The following C5 variants were observed in gnomAD, a reference collection of about 807,000 sequenced individuals.
The protein encoded by C5 is complement C5.
C5 carries 140 observed loss-of-function variants against 218.8 expected under a neutral mutation model. The ratio of observed to expected loss-of-function variants is 0.64; its 90% CI spans 0.56 to 0.74. The LOEUF is 0.74. Among genes scored for constraint, C5 ranks in the 30% least tolerant of loss-of-function variants. The pLI is 0.00. For missense variants in C5, 1,700 were observed against 1,969.6 expected, an observed-to-expected ratio of 0.86 and a Z score of 2.59; for synonymous variants, 614 against 682.3, an observed-to-expected ratio of 0.90 and a Z score of 1.56.
chr9:121,059,365 T>A, the C5 span, among the ~76,000 whole-genome samples: 1 of 152,212 alleles, frequency 6.6e-6, no homozygotes, highest in Non-Finnish European at 1.5e-5. This position sits in a 1 kb window ranked among gnomAD's most constrained non-coding sequence, Gnocchi z 4.1. Flanking sequence ...TCACTCTCCC[T>A]TTATCTCTCA....
At chr9:121,062,540 A>G in the C5 span, among the ~76,000 whole-genome samples, 1 of 152,150 alleles carries the variant, frequency 6.6e-6, no homozygotes, top group African/African-American at 2.4e-5. Flanking sequence ...AACACTTCAC[A>G]AGGAATCTCC....
rs1191363495 is a variant in C5 at position 120,997,764 on chromosome 9, T to G, written c.2573A>C (p.Lys858Thr). The change falls in exon 21 of 41, where the codon AAA becomes ACA. Residue 858 changes from lysine to threonine, a missense_variant. Physicochemically the swap from Lys to Thr is moderately conservative, Grantham distance 78. Coordinates refer to ENST00000223642, the MANE Select transcript of C5 (RefSeq NM_001735.3). ...YRTSGMQFCV[K>T]MSAVEGICTS... ...GCAGATTCCCTCCACAGCAGACATT[T>G]TAACACAGAACTGAAATACAAGTGA... The G allele has an allele frequency of 6.2e-7, 1 of 1,613,668 alleles. No individual in the cohort carries two copies. The highest frequency in any genetic ancestry group is 2.2e-5 in the East Asian group (1 of 44,876).
intron 20 of C5, among the ~76,000 whole-genome samples, chr9:121,002,368 T>C (rs2047180348): frequency 7.0e-6 from 1 of 141,860 alleles, no homozygotes; most frequent in Admixed American, 7.5e-5. Flanking sequence ...AAGCCGATTT[T>C]ATATGTCTAA....
rs113977122 is a variant in C5 at position 120,988,678 on chromosome 9, T to C, written c.3230+368A>G. ...CTGGGTAAGATGGGAAGCTCCTAAA[T>C]GGTTTTGAGTGGCATGATCTAACAT... is the stretch of plus-strand genomic sequence containing the variant. On this transcript the variant is annotated intron_variant, in intron 25 of 40. Transcript: ENST00000223642. 8.3e-3 allele frequency among the ~76,000 whole-genome samples: 1,262 copies of C among 152,296 alleles called. 21 individuals are homozygous for C. The highest frequency in any genetic ancestry group is 0.029 in the African/African-American group (1,199 of 41,570).
intron 22 of C5, among the ~76,000 whole-genome samples, chr9:120,995,446 T>A (rs2131720885): frequency 6.6e-6 from 1 of 152,282 alleles, no homozygotes; most frequent in Non-Finnish European, 1.5e-5. Context: ...AGTACTCAAA[T>A]GTTTGCAAAA....
chr9:121,011,065 G>T (rs971863118), intron 17 of C5, among the ~76,000 whole-genome samples: 2 of 152,088 alleles, frequency 1.3e-5, no homozygotes, highest in African/African-American at 4.8e-5. Context: ...TAGGACATTG[G>T]TCTGGGCAAA....
chr9:120,984,543 T>G (rs1219110035), intron 25 of C5, among the ~76,000 whole-genome samples: 1 of 152,106 alleles, frequency 6.6e-6, no homozygotes. Context: ...TCTCCACTTA[T>G]CTATACATCT....
At chr9:121,036,551 A>C (rs1457146499) in intron 4 of C5, among the ~76,000 whole-genome samples, 2 of 152,194 alleles carry the variant, frequency 1.3e-5, no homozygotes, top group Non-Finnish European at 2.9e-5. Context: ...TCTATCAGTC[A>C]ATCAGTTTAT....
chr9:121,064,781 C>G, the C5 span, among the ~76,000 whole-genome samples: 2 of 152,134 alleles, frequency 1.3e-5, no homozygotes, highest in Admixed American at 6.5e-5. Flanking sequence ...ATAAAATAGT[C>G]TGGGCACAGC....
At chr9:121,065,913 T>C in the C5 span, among the ~76,000 whole-genome samples, 6 of 151,940 alleles carry the variant, frequency 3.9e-5, no homozygotes, top group African/African-American at 9.7e-5. Context: ...ACATATTCAA[T>C]AGAAAATGTA....
rs1377541471 is a variant in C5, at chr9:120,960,252, T to C, written c.4674A>G (p.Ala1558=). 1 of 1,605,014 alleles carries C rather than the reference T, an allele frequency of 6.2e-7. No homozygotes were observed. The highest frequency in any genetic ancestry group is 8.5e-7 in the Non-Finnish European group (1 of 1,172,042). The change falls in exon 38 of 41, where the codon GCA becomes GCG. Residue 1558 remains alanine (A), a synonymous_variant. Coordinates refer to ENST00000223642, the MANE Select transcript of C5 (RefSeq NM_001735.3). ...ATATTGAACTTTTGAACTCACCATA[T>C]GCAATCTCTGGTTTACATGCTGTTT... ...RKQTACKPEI[A]YAYKVSITSI...
At chr9:121,034,323 T>C (rs569883302) in intron 5 of C5, among the ~76,000 whole-genome samples, 1 of 152,342 alleles carries the variant, frequency 6.6e-6, no homozygotes, top group African/African-American at 2.4e-5. Context: ...GAATATTTAT[T>C]ACATTGAACC....
At chr9:121,043,700 C>T (rs1345352266) in intron 2 of C5, among the ~76,000 whole-genome samples, 1 of 120,642 alleles carries the variant, frequency 8.3e-6, no homozygotes, top group Non-Finnish European at 1.7e-5. Flanking sequence ...GTCCAGCTAA[C>T]TTTTTTTTTT....
chr9:121,066,044 G>A, the C5 span, among the ~76,000 whole-genome samples: 4 of 152,092 alleles, frequency 2.6e-5, no homozygotes, highest in African/African-American at 9.7e-5. Flanking sequence ...GTTGGGCGCG[G>A]TGTCTCACGC....
chr9:121,050,399 C>G, upstream of C5: 1 of 676,700 alleles, frequency 1.5e-6, no homozygotes, highest in Non-Finnish European at 2.7e-6. Context: ...AACTAAAACA[C>G]CCTTTCATGC....
chr9:121,026,692 G>A (rs2047426584), intron 8 of C5, among the ~76,000 whole-genome samples: 1 of 152,120 alleles, frequency 6.6e-6, no homozygotes, highest in Non-Finnish European at 1.5e-5. Context: ...GCAATGAAAT[G>A]TGAAGAATGT....
chr9:120,965,261 C>T (rs1212395414), intron 33 of C5, among the ~76,000 whole-genome samples: 2 of 152,128 alleles, frequency 1.3e-5, no homozygotes, highest in African/African-American at 4.8e-5. Context: ...CGGTGGCTCA[C>T]ACCTGTCATC....
rs964931886 is a variant in C5 at position 121,008,515 on chromosome 9, T to C, written c.2258-17A>G. 6.5e-7 allele frequency: 1 copy of C among 1,550,288 alleles called. No individual in the cohort carries two copies. The highest frequency in any genetic ancestry group is 8.9e-7 in the Non-Finnish European group (1 of 1,122,018). Reference sequence around the variant, plus strand: ...TCTTCATGTCTGGACAAAAAAATCATATTCAATTATGGAAAAACAATATAA... The same window carrying C: ...TCTTCATGTCTGGACAAAAAAATCACATTCAATTATGGAAAAACAATATAA... On this transcript the variant is annotated splice_polypyrimidine_tract_variant and intron_variant, in intron 17 of 40. Coordinates refer to ENST00000223642, the MANE Select transcript of C5 (RefSeq NM_001735.3).
chr9:121,059,820 A>G, the C5 span, among the ~76,000 whole-genome samples: 1 of 152,242 alleles, frequency 6.6e-6, no homozygotes, highest in Non-Finnish European at 1.5e-5. This position sits in a 1 kb window ranked among gnomAD's most constrained non-coding sequence, Gnocchi z 4.1. Flanking sequence ...CCACGTAGAA[A>G]GGAACCACGG....
Sources: gnomAD v4.1 joint callset for allele counts (sites outside exome capture counted in the v4.1 genomes callset) on GRCh38, gnomAD v4.1.1 for gene constraint, Gnocchi (gnomAD v3.1) non-coding constraint, MANE v1.5 for transcripts, NCBI Gene and HGNC (gene_info 2026-07-23, HGNC 2026-07-21) for gene names.